The following HMCES variants were observed in gnomAD, a reference collection of about 807,000 sequenced individuals.
The protein encoded by HMCES is abasic site processing protein HMCES.
In HMCES, 27 loss-of-function variants were observed where a neutral mutation model predicts 35.1. The ratio of observed to expected loss-of-function variants is 0.77; its 90% CI spans 0.57 to 1.06. HMCES has a LOEUF of 1.06. HMCES is among the 50% of genes least tolerant of loss of function. The pLI is 0.00. For synonymous variants in HMCES, 130 were observed against 154.7 expected (o/e 0.84, Z 1.18); for missense variants, 391 against 430.4 (o/e 0.91, Z 0.81).
At chr3:129,284,438 AAC>A (rs1263987134) in intron 2 of HMCES, among the ~76,000 whole-genome samples, 2 of 152,234 alleles carry the variant, frequency 1.3e-5, no homozygotes, top group Non-Finnish European at 2.9e-5. Flanking sequence ...TTTAAACAGA[AAC>A]ACACATAAAA....
At chr3:129,299,918 C>T (rs1392727133) in intron 5 of HMCES, among the ~76,000 whole-genome samples, 2 of 151,398 alleles carry the variant, frequency 1.3e-5, no homozygotes, top group African/African-American at 2.4e-5. Flanking sequence ...TGTGAGCCAC[C>T]GCGCCTGGCT....
chr3:129,301,218 A>G (rs1159061610), intron 5 of HMCES, among the ~76,000 whole-genome samples: 1 of 138,384 alleles, frequency 7.2e-6, no homozygotes, highest in Non-Finnish European at 1.5e-5. Context: ...AAGAAAAAAA[A>G]AAAAATATGC....
At chr3:129,303,861 G>T (rs2071201523) in intron 6 of HMCES, among the ~76,000 whole-genome samples, 1 of 151,918 alleles carries the variant, frequency 6.6e-6, no homozygotes, top group Non-Finnish European at 1.5e-5. Flanking sequence ...TCCCACCTCA[G>T]CCTCCCAGGT....
chr3:129,301,884 C>A (rs536188187), intron 5 of HMCES, 66 bp from the exon 6 acceptor site: 76 of 1,330,018 alleles, frequency 5.7e-5, no homozygotes, highest in Non-Finnish European at 7.7e-5. Context: ...TGACTCAAGT[C>A]TCTCTCCCTT....
At chr3:129,297,281 C>CT (rs1276657736) in intron 4 of HMCES, among the ~76,000 whole-genome samples, 1 of 152,046 alleles carries the variant, frequency 6.6e-6, no homozygotes, top group East Asian at 1.9e-4. Context: ...TCCGTTCAGT[C>CT]TATCTTAAGC....
chr3:129,300,575 C>G (rs563615255), intron 5 of HMCES, among the ~76,000 whole-genome samples: 1 of 152,262 alleles, frequency 6.6e-6, no homozygotes, highest in African/African-American at 2.4e-5. Context: ...CCTGCTTTAG[C>G]CTTGTCCTAG....
At chr3:129,296,965 C>T (rs1465942103) in intron 4 of HMCES, among the ~76,000 whole-genome samples, 1 of 152,126 alleles carries the variant, frequency 6.6e-6, no homozygotes, top group East Asian at 1.9e-4. Flanking sequence ...GTCTCGATCT[C>T]CTGACCTCGT....
Position 129,278,906 on chromosome 3 carries a change from G to GTGA in HMCES, c.-24+2_-24+4dup, listed in dbSNP as rs1332365463. ...AGGTGACGCGCGCTGCCGGGGCGAG[G>GTGA]TGAGGGGAGGGGAGGCGACGCGGGC... On this transcript the variant is annotated splice_donor_variant, in intron 1 of 6. Transcript: ENST00000383463. LOFTEE classifies it low-confidence loss of function (5UTR_SPLICE). 18 of 152,442 alleles carry GTGA rather than the reference G, an allele frequency of 1.2e-4. No individual in the cohort carries two copies. Among genetic ancestry groups the GTGA allele is most frequent in the African/African-American group, 4.1e-4 (17 of 41,304 alleles). The allele number at this position is 152,442 out of a possible 1,614,324, so 9.4% of individuals were successfully genotyped here. A position where few individuals can be genotyped will look rare whatever the true frequency, so the allele number is the denominator to read the frequency against.
intron 2 of HMCES, among the ~76,000 whole-genome samples, chr3:129,286,283 G>C (rs1324075947): frequency 6.6e-6 from 1 of 152,194 alleles, no homozygotes; most frequent in Non-Finnish European, 1.5e-5. Flanking sequence ...ACTGGGATTA[G>C]TGTCCTTATA....
At chr3:129,302,568 C>T (rs1452857529) in intron 6 of HMCES, among the ~76,000 whole-genome samples, 2 of 152,062 alleles carry the variant, frequency 1.3e-5, no homozygotes, top group South Asian at 2.1e-4. Context: ...CAAAAATTAG[C>T]TGGGTGTGGT....
At chr3:129,289,554 A>T (rs1027218504) in intron 3 of HMCES, among the ~76,000 whole-genome samples, 1 of 151,556 alleles carries the variant, frequency 6.6e-6, no homozygotes, top group African/African-American at 2.4e-5. Context: ...TTTTTTTTTT[A>T]AATAGAGACA....
At position 129,279,994 on chromosome 3, in the gene HMCES, C is replaced by A; in HGVS notation, c.183+79C>A. On this transcript the variant is annotated intron_variant, in intron 2 of 6. Coordinates refer to ENST00000383463, the MANE Select transcript of HMCES (RefSeq NM_020187.3). The surrounding 1 kb of genome is among the most constrained non-coding windows in gnomAD (Gnocchi z 4.2). ...CCTATTTGGTTTGGTGTGTGCTCAG[C>A]CTCTTGGGATGACATTAAAAACCAG... The A allele has an allele frequency of 7.9e-7, 1 of 1,259,022 alleles. No individual in the cohort carries two copies. Among genetic ancestry groups the A allele is most frequent in the Non-Finnish European group, 1.1e-6 (1 of 927,742 alleles). 78.0% of individuals were successfully genotyped at this position (1,259,022 alleles called of 1,614,324 possible).
At chr3:129,290,882 C>A in intron 4 of HMCES, 78 bp downstream of exon 4, 1 of 1,398,396 alleles carries the variant, frequency 7.2e-7, no homozygotes, top group Non-Finnish European at 9.9e-7. Flanking sequence ...TTTTTTTCTT[C>A]CCCATAGTTT....
At chr3:129,297,495 C>G (rs145468981) in intron 4 of HMCES, among the ~76,000 whole-genome samples, 35 of 152,176 alleles carry the variant, frequency 2.3e-4, no homozygotes, top group African/African-American at 8.2e-4. Flanking sequence ...AGGTATTCAA[C>G]AGTGAGGATG....
Position 129,302,010 on chromosome 3 carries a change from C to G in HMCES, c.696C>G (p.Val232=). 6.2e-7 allele frequency: 1 copy of G among 1,614,178 alleles called. No individual in the cohort carries two copies. Among genetic ancestry groups the G allele is most frequent in the Non-Finnish European group, 8.5e-7 (1 of 1,180,024 alleles). Residue 232 remains valine (V), a synonymous_variant, in exon 6 of 7, where the codon GTC becomes GTG. Transcript: ENST00000383463. ...CTAAATGGCTTGACTTTGGTGAAGT[C>G]TCAACTCAGGAAGCTCTGAAATTAA... ...AVSKWLDFGE[V]STQEALKLIH... is the part of the protein sequence containing the mutation.
At chr3:129,298,048 A>G (rs1022425096) in intron 4 of HMCES, among the ~76,000 whole-genome samples, 8 of 152,194 alleles carry the variant, frequency 5.3e-5, no homozygotes, top group Non-Finnish European at 8.8e-5. Context: ...AGCTTCATTT[A>G]CCAACAGCTG....
At chr3:129,287,822 G>A (rs1940678277) in intron 2 of HMCES, among the ~76,000 whole-genome samples, 1 of 152,192 alleles carries the variant, frequency 6.6e-6, no homozygotes. Flanking sequence ...CACTTTGGGA[G>A]GCTGAGGCGG....
Position 129,304,993 on chromosome 3 carries a change from G to A in HMCES, c.*168G>A. 1.6e-6 allele frequency: 1 copy of A among 617,812 alleles called. No homozygotes were observed. Among genetic ancestry groups the A allele is most frequent in the Non-Finnish European group, 2.8e-6 (1 of 353,010 alleles). The allele number at this position is 617,812 out of a possible 1,614,324, so 38.3% of individuals were successfully genotyped here. ...TGCCATGAGTAGGAGCCCCTAGTGG[G>A]GCTGGTGGACAGCTTTGGAAGAGGT... On this transcript the variant is annotated 3_prime_UTR_variant, in exon 7 of 7. Coordinates refer to ENST00000383463, the MANE Select transcript of HMCES (RefSeq NM_020187.3).
At chr3:129,280,093 C>T (rs562175339) in intron 2 of HMCES, among the ~76,000 whole-genome samples, 178 bp downstream of exon 2, 1 of 152,320 alleles carries the variant, frequency 6.6e-6, no homozygotes, top group South Asian at 2.1e-4. Context: ...TCAGTGGCTT[C>T]TAACACTGAT....
Sources: allele counts gnomAD v4.1 joint callset (sites outside exome capture counted in the v4.1 genomes callset), GRCh38; gene constraint gnomAD v4.1.1; non-coding constraint Gnocchi (gnomAD v3.1); transcripts MANE v1.5; gene names NCBI Gene and HGNC (gene_info 2026-07-23, HGNC 2026-07-21).